Variants in ARHGAP32 observed in about 807,000 individuals in gnomAD.
ARHGAP32 encodes Rho GTPase activating protein 32, also known as rho GTPase-activating protein 32.
In ARHGAP32, 51 loss-of-function variants were observed where a neutral mutation model predicts 186.5. That is an observed-to-expected ratio of 0.27 (90% CI 0.22 to 0.35). The LOEUF (loss-of-function observed/expected upper bound fraction) is 0.35, where lower values mean the gene tolerates loss of function less well. Among genes scored for constraint, ARHGAP32 ranks in the 10% least tolerant of loss-of-function variants. The probability of loss-of-function intolerance (pLI) is 1.00; values close to 1 mark genes in which losing one functional copy is unlikely to be tolerated. For synonymous variants in ARHGAP32, 950 were observed against 964.3 expected, an observed-to-expected ratio of 0.99 and a Z score of 0.27; for missense variants, 2,186 against 2,623.5, an observed-to-expected ratio of 0.83 and a Z score of 3.64.
intron 10 of ARHGAP32, among the ~76,000 whole-genome samples, chr11:129,061,502 A>C (rs929155534): frequency 2.6e-5 from 4 of 152,200 alleles, no homozygotes; most frequent in African/African-American, 9.7e-5. Context: ...CATTACAATA[A>C]CTAATAATCG....
At chr11:129,139,660 C>T (rs888244843) in intron 2 of ARHGAP32, among the ~76,000 whole-genome samples, 3 of 152,236 alleles carry the variant, frequency 2.0e-5, no homozygotes, top group Admixed American at 6.5e-5. Context: ...CCCGCACAAG[C>T]TCTCTCTCTT....
chr11:128,993,317 T>A (rs1946113277), intron 12 of ARHGAP32: 1 of 152,160 alleles, frequency 6.6e-6, no homozygotes, highest in African/African-American at 2.4e-5. Context: ...CAAATTTTAG[T>A]ATATGTGCTG....
intron 1 of ARHGAP32, among the ~76,000 whole-genome samples, chr11:129,164,938 A>C (rs533705369): frequency 1.3e-5 from 2 of 152,334 alleles, no homozygotes; most frequent in African/African-American, 4.8e-5. Flanking sequence ...AAAGCAACCA[A>C]TACAGATGGG....
At chr11:129,036,910 G>C (rs1297733758) in intron 11 of ARHGAP32, among the ~76,000 whole-genome samples, 1 of 152,124 alleles carries the variant, frequency 6.6e-6, no homozygotes, top group East Asian at 1.9e-4. Context: ...AGATTGGAAG[G>C]GAAGAAGTAA....
At chr11:129,056,242 T>C (rs1327733249) in intron 10 of ARHGAP32, among the ~76,000 whole-genome samples, 1 of 152,202 alleles carries the variant, frequency 6.6e-6, no homozygotes, top group East Asian at 1.9e-4. Flanking sequence ...TGCTCAATTA[T>C]TCTGTAAATC....
chr11:129,246,538 T>A (rs951182378), intron 1 of ARHGAP32, among the ~76,000 whole-genome samples: 3 of 152,076 alleles, frequency 2.0e-5, no homozygotes, highest in African/African-American at 4.8e-5. Context: ...TCCAATAAAA[T>A]GAACCAAAAA....
chr11:128,977,789 G>C (rs1463079510), intron 19 of ARHGAP32, among the ~76,000 whole-genome samples: 1 of 151,692 alleles, frequency 6.6e-6, no homozygotes, highest in Non-Finnish European at 1.5e-5. Context: ...TAATCCTCCT[G>C]CTTCAGCCTC....
At chr11:129,256,350 G>A (rs1369146245) in intron 1 of ARHGAP32, among the ~76,000 whole-genome samples, 2 of 152,104 alleles carry the variant, frequency 1.3e-5, no homozygotes, top group Non-Finnish European at 1.5e-5. Context: ...TGGTATGGAG[G>A]GAGATAAGGT....
chr11:129,249,877 T>C (rs1565480612), intron 1 of ARHGAP32, among the ~76,000 whole-genome samples: 1 of 152,056 alleles, frequency 6.6e-6, no homozygotes, highest in Non-Finnish European at 1.5e-5. Flanking sequence ...GACTCCAACT[T>C]TGCCACTTAA....
intron 1 of ARHGAP32, among the ~76,000 whole-genome samples, chr11:129,240,399 T>C (rs141673492): frequency 1.3e-5 from 2 of 152,288 alleles, no homozygotes; most frequent in East Asian, 3.9e-4. Flanking sequence ...CCTCTGTAAA[T>C]TCTTACTGGA....
intron 6 of ARHGAP32, among the ~76,000 whole-genome samples, chr11:129,072,394 C>G (rs958665053): frequency 6.6e-5 from 10 of 152,288 alleles, no homozygotes; most frequent in African/African-American, 2.4e-4. Flanking sequence ...CAATGTCCGT[C>G]TAGTTACAAA....
intron 1 of ARHGAP32, among the ~76,000 whole-genome samples, chr11:129,209,441 A>AT (rs1944552995): frequency 6.6e-6 from 1 of 150,562 alleles, no homozygotes; most frequent in African/African-American, 2.5e-5. Context: ...TAAGATATAT[A>AT]AAAAAAAGTA....
In ARHGAP32 at chr11:128,973,133, T is replaced by A. The variant is rs758975844; in HGVS notation, c.3373A>T (p.Asn1125Tyr). Residue 1125 changes from asparagine (N) to tyrosine (Y), a missense_variant, in exon 22 of 23, where the codon AAT (asparagine) becomes TAT (tyrosine). Around this residue, in one of 5 missense-constraint regions of ARHGAP32, gnomAD observed 1,502 missense variants for 1,570.0 expected, o/e 0.96. Transcript: ENST00000682385. ...TGGTCACAGTTTCCTGGTGCATTAT[T>A]CTGGAGGTGGAACTGCTCTGCTGGT... ...DRPAEQFHLQ[N>Y]NAPGNCDHPL... The A allele has an allele frequency of 1.1e-5, 17 of 1,614,196 alleles. 2 individuals carry two copies. The South Asian group carries it at 1.8e-4, about 17-fold the overall frequency.
chr11:129,052,642 A>G (rs1028973976), intron 10 of ARHGAP32, among the ~76,000 whole-genome samples: 6 of 149,422 alleles, frequency 4.0e-5, no homozygotes, highest in Non-Finnish European at 8.9e-5. Context: ...AGTATTTCCT[A>G]TTTTTAGTAC....
intron 5 of ARHGAP32, among the ~76,000 whole-genome samples, chr11:129,107,669 G>A (rs2135325441): frequency 6.6e-6 from 1 of 150,738 alleles, no homozygotes; most frequent in East Asian, 1.9e-4. Flanking sequence ...AGGAGTTCGA[G>A]ACCAGCCTGA....
At chr11:129,196,566 C>G (rs568637243), upstream of ARHGAP32, among the ~76,000 whole-genome samples, 1 of 152,170 alleles carries the variant, frequency 6.6e-6, no homozygotes, top group African/African-American at 2.4e-5. Context: ...AAACGATTTC[C>G]CCATGGATAC....
At chr11:129,131,226 A>G (rs1942802425) in intron 2 of ARHGAP32, among the ~76,000 whole-genome samples, 1 of 152,174 alleles carries the variant, frequency 6.6e-6, no homozygotes, top group Admixed American at 6.5e-5. Flanking sequence ...TGGTGGTTTC[A>G]CAGAAGTATA....
intron 1 of ARHGAP32, among the ~76,000 whole-genome samples, chr11:129,174,052 GC>G (rs1943837726): frequency 6.6e-6 from 1 of 152,226 alleles, no homozygotes; most frequent in Non-Finnish European, 1.5e-5. Flanking sequence ...ACTAGGGAGT[GC>G]CAGACAGTGG....
At chr11:129,215,711 A>G (rs1489894787) in intron 1 of ARHGAP32, among the ~76,000 whole-genome samples, 1 of 152,192 alleles carries the variant, frequency 6.6e-6, no homozygotes, top group African/African-American at 2.4e-5. Context: ...GGGCTCACCC[A>G]GATAATCCAG....
Sources: allele counts gnomAD v4.1 joint callset (sites outside exome capture counted in the v4.1 genomes callset), GRCh38; gene constraint gnomAD v4.1.1; regional missense constraint gnomAD v4.1.1; transcripts MANE v1.5; gene names NCBI Gene and HGNC (gene_info 2026-07-23, HGNC 2026-07-21).